Variants in PCDHGA4 observed in about 807,000 individuals in gnomAD.
The protein encoded by PCDHGA4 is protocadherin gamma-A4.
PCDHGA4 carries 38 observed loss-of-function variants against 54.6 expected under a neutral mutation model. The ratio of observed to expected loss-of-function variants is 0.70; its 90% CI spans 0.54 to 0.91. The LOEUF is 0.91. PCDHGA4 is among the 40% of genes least tolerant of loss of function. The pLI is 0.00. For missense variants in PCDHGA4, 1,298 were observed against 1,220.9 expected (o/e 1.06, Z -0.94); for synonymous variants, 511 against 512.9 (o/e 1.00, Z 0.05).
chr5:141,488,175 T>C (rs889217562), intron 1 of PCDHGA4, among the ~76,000 whole-genome samples: 1 of 152,168 alleles, frequency 6.6e-6, no homozygotes, highest in Non-Finnish European at 1.5e-5. Context: ...AGTGGTGGCA[T>C]AGATCTTTTG....
At chr5:141,405,044 G>T (rs769617162) in intron 1 of PCDHGA4, 160 of 1,613,938 alleles carry the variant, frequency 9.9e-5, no homozygotes, top group Middle Eastern at 1.6e-4. Flanking sequence ...TGTGGCTGTG[G>T]CAGTCGTCTC....
intron 1 of PCDHGA4, chr5:141,478,463 G>A: frequency 6.2e-7 from 1 of 1,613,424 alleles, no homozygotes; most frequent in South Asian, 1.1e-5. Context: ...CAGTCCACTG[G>A]CCAGCCGCCA....
intron 1 of PCDHGA4, among the ~76,000 whole-genome samples, chr5:141,443,695 A>G (rs1324985529): frequency 1.3e-5 from 2 of 152,272 alleles, no homozygotes; most frequent in Non-Finnish European, 2.9e-5. Context: ...TTCAAAAATT[A>G]TAGAATAACA....
At chr5:141,393,710 G>A (rs143738602) in intron 1 of PCDHGA4, 4 of 1,613,794 alleles carry the variant, frequency 2.5e-6, no homozygotes, top group Non-Finnish European at 3.4e-6. Flanking sequence ...AAAATACTGG[G>A]GAAATATCAA....
rs369791160 is a variant in PCDHGA4 at position 141,431,269 on chromosome 5, C to G, written c.2515-63538C>G. On this transcript the variant is annotated intron_variant, in intron 1 of 3. Transcript: ENST00000571252. This position sits in a 1 kb window ranked among gnomAD's most constrained non-coding sequence, Gnocchi z 4.8. ...TCGGGAAGAACTCTCTGCAGAGCTA[C>G]GAGCTCAGCCCGAACACTCACTTCT... 1.4e-5 allele frequency: 22 copies of G among 1,614,034 alleles called. No individual in the cohort carries two copies. The highest frequency in any genetic ancestry group is 2.7e-5 in the African/African-American group (2 of 74,954).
chr5:141,389,398 T>A, intron 1 of PCDHGA4: 1 of 1,613,654 alleles, frequency 6.2e-7, no homozygotes. Flanking sequence ...TACGTGTCCA[T>A]AAGCGCGGAG....
chr5:141,468,067 G>A (rs560511893), intron 1 of PCDHGA4, among the ~76,000 whole-genome samples: 34 of 152,032 alleles, frequency 2.2e-4, no homozygotes, highest in Non-Finnish European at 4.0e-4. Flanking sequence ...GCTCACACCT[G>A]TAATCCCAGC....
chr5:141,433,328 G>C, intron 1 of PCDHGA4: 1 of 724,580 alleles, frequency 1.4e-6, no homozygotes, highest in Non-Finnish European at 2.3e-6. Context: ...GGTGTAACAG[G>C]GACTACAGGT....
intron 1 of PCDHGA4, chr5:141,424,460 C>T (rs2096822106): frequency 6.6e-6 from 1 of 152,056 alleles, no homozygotes; most frequent in African/African-American, 2.4e-5. Context: ...GTATTATTTC[C>T]TTTTATTCTT....
chr5:141,374,968 T>C, intron 1 of PCDHGA4: 2 of 1,614,056 alleles, frequency 1.2e-6, no homozygotes, highest in Non-Finnish European at 8.5e-7. Flanking sequence ...TCTGTTTGAA[T>C]GTTTTGACTG....
intron 2 of PCDHGA4, among the ~76,000 whole-genome samples, chr5:141,495,968 CTGTTACTCTTTCTT>C (rs1033811907): frequency 6.6e-6 from 1 of 152,126 alleles, no homozygotes; most frequent in African/African-American, 2.4e-5. Context: ...GCCTCTTTCT[CTGTTACTCTTTCTT>C]TATCTCTCTT....
intron 1 of PCDHGA4, among the ~76,000 whole-genome samples, chr5:141,438,596 A>G (rs1303292978): frequency 2.8e-5 from 1 of 35,176 alleles, no homozygotes; most frequent in Non-Finnish European, 6.2e-5. Context: ...ACATACATAT[A>G]TATATATATA....
At chr5:141,416,215 A>G (rs969061407) in intron 1 of PCDHGA4, 1 of 152,400 alleles carries the variant, frequency 6.6e-6, no homozygotes, top group Non-Finnish European at 1.5e-5. Flanking sequence ...ATAACAATGT[A>G]TGCTTAGATT....
In PCDHGA4 at chr5:141,355,415, C is replaced by T. The variant is rs753835027; in HGVS notation, c.308C>T (p.Thr103Met). Reference protein sequence around the residue: ...RGVRIVSRGRTQLFALNPRSG... With the variant: ...RGVRIVSRGRMQLFALNPRSG... ...GTCCGCATCGTCTCCAGAGGTAGGA[C>T]GCAGCTTTTCGCCCTGAACCCGCGC... Residue 103 changes from threonine (T) to methionine (M), a missense_variant, in exon 1 of 4, where the codon ACG (threonine) becomes ATG (methionine). Coordinates refer to ENST00000571252, the MANE Select transcript of PCDHGA4 (RefSeq NM_018917.4). 5.6e-6 allele frequency: 9 copies of T among 1,613,978 alleles called. No individual in the cohort carries two copies. The highest frequency in any genetic ancestry group is 2.7e-5 in the African/African-American group (2 of 74,942).
rs759346998 is a variant in PCDHGA4, at chr5:141,410,849, C to CTTTTTTTTTTTTTTTTTTTTTTTTTTTTT, written c.2514+53250_2514+53251insTTTTTTTTTTTTTTTTTTTTTTTTTTTTT. 5.4e-5 allele frequency: 7 copies of CTTTTTTTTTTTTTTTTTTTTTTTTTTTTT among 129,786 alleles called. 2 individuals carry two copies. The highest frequency in any genetic ancestry group is 3.0e-4 in the African/African-American group (5 of 16,598). 8.0% of individuals were successfully genotyped at this position (129,786 alleles called of 1,614,324 possible). A position where few individuals can be genotyped will look rare whatever the true frequency, so the allele number is the denominator to read the frequency against. ...CAGACTGAAGATATTTTGTCTTTGT[C>CTTTTTTTTTTTTTTTTTTTTTTTTTTTTT]TTTTTTTTTTTTTTTTTTTTTTGAG... On this transcript the variant is annotated intron_variant, in intron 1 of 3. Transcript: ENST00000571252.
intron 1 of PCDHGA4, chr5:141,375,799 C>T: frequency 6.2e-7 from 1 of 1,614,232 alleles, no homozygotes; most frequent in Non-Finnish European, 8.5e-7. Flanking sequence ...CAGACGGTTC[C>T]ACTGGCGTGG....
chr5:141,375,003 T>C lies in PCDHGA4; in HGVS notation c.2514+17382T>C, dbSNP rs376283841. The C allele has an allele frequency of 7.7e-5, 124 of 1,613,936 alleles. No individual in the cohort carries two copies. Among genetic ancestry groups the C allele is most frequent in the Non-Finnish European group, 1.0e-4 (120 of 1,179,910 alleles). The stretch of plus-strand genomic sequence containing the variant: ...GGAGAAATTTCAACTTCTGCAAATC[T>C]AGACTATGAGGACTCGAGTTTTTAT... On this transcript the variant is annotated intron_variant, in intron 1 of 3. Transcript: ENST00000571252.
At chr5:141,505,552 T>C (rs920594597) in intron 3 of PCDHGA4, 71 bp downstream of exon 3, 8 of 1,608,230 alleles carry the variant, frequency 5.0e-6, no homozygotes, top group Non-Finnish European at 6.8e-6. Context: ...ACAGCCACCA[T>C]GCCCACGGAC....
In PCDHGA4 at chr5:141,477,080, A is replaced by G; in HGVS notation, c.2515-17727A>G. 1.9e-6 allele frequency: 3 copies of G among 1,614,254 alleles called. No homozygotes were observed. The highest frequency in any genetic ancestry group is 2.5e-6 in the Non-Finnish European group (3 of 1,180,042). ...GGACACCAAACTCCATGAGATTTAC[A>G]TCCAGGCCAAAGACAAGGGCGCCAA... On this transcript the variant is annotated intron_variant, in intron 1 of 3. Coordinates refer to ENST00000571252, the MANE Select transcript of PCDHGA4 (RefSeq NM_018917.4). The surrounding 1 kb of genome is among the most constrained non-coding windows in gnomAD (Gnocchi z 4.9).
Sources: allele counts gnomAD v4.1 joint callset (sites outside exome capture counted in the v4.1 genomes callset), GRCh38; gene constraint gnomAD v4.1.1; non-coding constraint Gnocchi (gnomAD v3.1); transcripts MANE v1.5; gene names NCBI Gene and HGNC (gene_info 2026-07-23, HGNC 2026-07-21).